Variants in NOS1AP observed in about 807,000 individuals in gnomAD.
NOS1AP encodes nitric oxide synthase 1 adaptor protein.
In NOS1AP, 21 loss-of-function variants were observed where a neutral mutation model predicts 56.2. That is an observed-to-expected ratio of 0.37 (90% confidence interval 0.26 to 0.54). The LOEUF (loss-of-function observed/expected upper bound fraction) is 0.54. NOS1AP is among the 20% of genes least tolerant of loss of function. NOS1AP has a pLI of 0.84. For missense variants in NOS1AP, 522 were observed against 657.8 expected (o/e 0.79, Z 2.26); for synonymous variants, 270 against 274.6 (o/e 0.98, Z 0.17).
rs79756750 is a variant in NOS1AP at position 162,097,381 on chromosome 1, A to G, written c.105+27099A>G. 1.3e-4 allele frequency among the ~76,000 whole-genome samples: 20 copies of G among 152,278 alleles called. No individual in the cohort carries two copies. The East Asian group carries it at 3.3e-3, about 25-fold the overall frequency. On this transcript the variant is annotated intron_variant, in intron 1 of 9. Transcript: ENST00000361897. ...CTGTCTTTATGGTATCTTCTGATGTATGGAACTTTAAGATTTAAATGTAAA... is the reference window on the plus strand; with the variant it reads ...CTGTCTTTATGGTATCTTCTGATGTGTGGAACTTTAAGATTTAAATGTAAA...
intron 1 of NOS1AP, among the ~76,000 whole-genome samples, chr1:162,114,728 C>G (rs547107713): frequency 6.6e-6 from 1 of 152,312 alleles, no homozygotes; most frequent in Admixed American, 6.5e-5. Flanking sequence ...TCCCAGTGGT[C>G]TCATCGGGAC....
At chr1:162,253,602 A>G (rs541949089) in intron 2 of NOS1AP, among the ~76,000 whole-genome samples, 1 of 152,332 alleles carries the variant, frequency 6.6e-6, no homozygotes, top group East Asian at 1.9e-4. Context: ...GTGAATGTTT[A>G]AGCATTCCCC....
intron 2 of NOS1AP, among the ~76,000 whole-genome samples, chr1:162,256,433 A>C (rs967128133): frequency 1.3e-5 from 2 of 151,940 alleles, no homozygotes; most frequent in Non-Finnish European, 2.9e-5. Context: ...AGTCCTTGGG[A>C]TTTTCCCTTG....
At chr1:162,078,550 C>G (rs564420509) in intron 1 of NOS1AP, among the ~76,000 whole-genome samples, 1 of 152,102 alleles carries the variant, frequency 6.6e-6, no homozygotes, top group Non-Finnish European at 1.5e-5. Flanking sequence ...TGCTCCACCC[C>G]CTCCCCTGTT....
intron 2 of NOS1AP, among the ~76,000 whole-genome samples, chr1:162,194,677 T>A (rs1057147252): frequency 6.6e-6 from 1 of 152,172 alleles, no homozygotes; most frequent in Non-Finnish European, 1.5e-5. Flanking sequence ...TTGCCAGTGT[T>A]CTCTTTACCT....
intron 2 of NOS1AP, among the ~76,000 whole-genome samples, chr1:162,163,445 T>C (rs1217892470): frequency 6.6e-6 from 1 of 152,198 alleles, no homozygotes; most frequent in Non-Finnish European, 1.5e-5. Context: ...TTGACTTCCC[T>C]TTTTGAGCCA....
chr1:162,271,604 G>C (rs370302202), intron 2 of NOS1AP, among the ~76,000 whole-genome samples: 5 of 152,244 alleles, frequency 3.3e-5, no homozygotes, highest in African/African-American at 1.2e-4. Context: ...CTGGTTCTCA[G>C]AGCATGAGCT....
intron 5 of NOS1AP, among the ~76,000 whole-genome samples, chr1:162,340,784 G>C (rs1233389234): frequency 6.6e-6 from 1 of 152,148 alleles, no homozygotes; most frequent in Non-Finnish European, 1.5e-5. Flanking sequence ...AGAGGTTAGG[G>C]TCAGCTGCTG....
intron 2 of NOS1AP, among the ~76,000 whole-genome samples, chr1:162,162,946 T>A (rs1259058633): frequency 6.6e-6 from 1 of 152,198 alleles, no homozygotes; most frequent in Non-Finnish European, 1.5e-5. Flanking sequence ...TCTATACCTC[T>A]AATCCATCAT....
At chr1:162,219,442 T>A (rs377159691) in intron 2 of NOS1AP, among the ~76,000 whole-genome samples, 3 of 152,216 alleles carry the variant, frequency 2.0e-5, no homozygotes, top group African/African-American at 7.2e-5. Context: ...AGCTATCATG[T>A]ATTACCTGTT....
chr1:162,334,132 C>G (rs1490447942), intron 5 of NOS1AP, among the ~76,000 whole-genome samples: 1 of 152,148 alleles, frequency 6.6e-6, no homozygotes, highest in East Asian at 1.9e-4. Context: ...TAACACATGC[C>G]AGGGTCCAGA....
At chr1:162,304,780 C>CTGTGTGTGTG (rs3055849) in intron 4 of NOS1AP, among the ~76,000 whole-genome samples, 64 of 146,192 alleles carry the variant, frequency 4.4e-4, no homozygotes, top group African/African-American at 7.8e-4. Flanking sequence ...ATTTTTATAT[C>CTGTGTGTGTG]TGTGTGTGTG....
intron 1 of NOS1AP, among the ~76,000 whole-genome samples, chr1:162,123,856 A>G (rs1237324860): frequency 6.6e-6 from 1 of 152,148 alleles, no homozygotes; most frequent in Non-Finnish European, 1.5e-5. Flanking sequence ...TCCTTCTTCT[A>G]TAAGTCCTTC....
chr1:162,187,353 GT>G (rs1417875037), intron 2 of NOS1AP, among the ~76,000 whole-genome samples: 1 of 152,022 alleles, frequency 6.6e-6, no homozygotes, highest in Admixed American at 6.6e-5. Context: ...TTACAACATT[GT>G]TTTTAATGGC....
intron 8 of NOS1AP, chr1:162,363,068 T>C (rs949085444): frequency 5.7e-6 from 1 of 174,822 alleles, no homozygotes; most frequent in East Asian, 1.9e-4. Flanking sequence ...CTAACTCAGT[T>C]TGATTCTGAT....
At chr1:162,292,681 C>A (rs1456121653) in intron 3 of NOS1AP, among the ~76,000 whole-genome samples, 1 of 152,128 alleles carries the variant, frequency 6.6e-6, no homozygotes, top group Non-Finnish European at 1.5e-5. Context: ...ATAGGAAATG[C>A]CTAATTAATT....
intron 2 of NOS1AP, among the ~76,000 whole-genome samples, chr1:162,164,404 G>A (rs771691853): frequency 6.6e-6 from 1 of 152,146 alleles, no homozygotes; most frequent in African/African-American, 2.4e-5. Context: ...ACTTGTAAGT[G>A]TACAACTCAG....
At chr1:162,119,548 T>C (rs576290817) in intron 1 of NOS1AP, among the ~76,000 whole-genome samples, 1 of 152,298 alleles carries the variant, frequency 6.6e-6, no homozygotes, top group Non-Finnish European at 1.5e-5. Context: ...AGCAAAGGAC[T>C]CGTACTGCTG....
At chr1:162,307,999 G>C (rs1286083910) in intron 4 of NOS1AP, among the ~76,000 whole-genome samples, 1 of 152,294 alleles carries the variant, frequency 6.6e-6, no homozygotes, top group East Asian at 1.9e-4. Context: ...ACAGTGGTAT[G>C]TCAGCCTGGG....
Sources: gnomAD v4.1 joint callset for allele counts (sites outside exome capture counted in the v4.1 genomes callset) on GRCh38, gnomAD v4.1.1 for gene constraint, MANE v1.5 for transcripts, NCBI Gene and HGNC (gene_info 2026-07-23, HGNC 2026-07-21) for gene names.